Variants in AFAP1L2 observed in about 807,000 individuals in gnomAD.
AFAP1L2 encodes actin filament associated protein 1 like 2.
A neutral mutation model predicts 99.3 loss-of-function variants in AFAP1L2; 46 were observed. The ratio of observed to expected loss-of-function variants is 0.46; its 90% confidence interval spans 0.37 to 0.59. The LOEUF (loss-of-function observed/expected upper bound fraction) is 0.59, where lower values mean the gene tolerates loss of function less well. AFAP1L2 is among the 20% of genes least tolerant of loss of function. The probability of loss-of-function intolerance (pLI) is 0.00; values close to 1 mark genes in which losing one functional copy is unlikely to be tolerated. For missense variants in AFAP1L2, 959 were observed against 1,034.9 expected, an observed-to-expected ratio of 0.93 and a Z score of 1.01; for synonymous variants, 397 against 419.1, an observed-to-expected ratio of 0.95 and a Z score of 0.64.
rs777607777 is a variant in AFAP1L2, at chr10:114,300,481, C to T, written c.1752G>A (p.Glu584=). The change falls in exon 14 of 19, where the codon GAG becomes GAA. Residue 584 remains glutamate (E), a synonymous_variant. Coordinates refer to ENST00000304129, the MANE Select transcript of AFAP1L2 (RefSeq NM_001001936.3). ...ADSGPGPTPD[E]PCIKCPENLG... Reference sequence around the variant, plus strand: ...GGTTCTCTGGACACTTTATGCAGGGCTCATCTGGGGTGGGACCTGGGCCTG... The same window carrying T: ...GGTTCTCTGGACACTTTATGCAGGGTTCATCTGGGGTGGGACCTGGGCCTG... 2.5e-6 allele frequency: 4 copies of T among 1,613,966 alleles called. No individual in the cohort carries two copies.
intron 1 of AFAP1L2, among the ~76,000 whole-genome samples, chr10:114,348,058 T>C (rs1458013803): frequency 6.6e-6 from 1 of 152,176 alleles, no homozygotes; most frequent in Non-Finnish European, 1.5e-5. Flanking sequence ...CATATACATT[T>C]TGCATCTGGC....
At chr10:114,296,841 G>A (rs1337731855) in intron 18 of AFAP1L2, 137 bp downstream of exon 18, 16 of 1,449,082 alleles carry the variant, frequency 1.1e-5, no homozygotes, top group Admixed American at 9.1e-5. Context: ...CAAAGCCATG[G>A]CCACTCCTTG....
intron 1 of AFAP1L2, among the ~76,000 whole-genome samples, chr10:114,340,996 T>A (rs1590326300): frequency 6.6e-6 from 1 of 152,020 alleles, no homozygotes. Flanking sequence ...GCTGGAAGAG[T>A]GACAACGGCC....
chr10:114,315,872 C>G, intron 5 of AFAP1L2, 107 bp from the exon 6 acceptor site: 1 of 1,099,296 alleles, frequency 9.1e-7, no homozygotes, highest in Non-Finnish European at 1.3e-6. Context: ...CAGACCACAG[C>G]CCCCGACTCT....
At chr10:114,296,102 C>T (rs1213343195) in intron 18 of AFAP1L2, 34 bp from the exon 19 acceptor site, 1 of 1,613,616 alleles carries the variant, frequency 6.2e-7, no homozygotes, top group Non-Finnish European at 8.5e-7. Flanking sequence ...CACCCACCCC[C>T]CACCAAAAAG....
chr10:114,326,097 GTCA>G, intron 4 of AFAP1L2: 4 of 1,246,602 alleles, frequency 3.2e-6, no homozygotes, highest in Non-Finnish European at 4.2e-6. Flanking sequence ...CTCCCCATGG[GTCA>G]TCATCACCAC....
chr10:114,285,752 C>T, the AFAP1L2 span, among the ~76,000 whole-genome samples: 5 of 152,210 alleles, frequency 3.3e-5, no homozygotes, highest in Admixed American at 1.3e-4. Flanking sequence ...AGACCCTTAG[C>T]GAGTGCCAGG....
In AFAP1L2 at chr10:114,306,976, C is replaced by T. The variant is rs145928496; in HGVS notation, c.1072+829G>A. Among the ~76,000 whole-genome samples the T allele has an allele frequency of 1.8e-4, 27 of 151,776 alleles. No homozygotes were observed. In the East Asian group the frequency reaches 5.3e-3, roughly 30 times the overall value. On this transcript the variant is annotated intron_variant, in intron 10 of 18. Transcript: ENST00000304129. ...AGCCTCAAAACACAAGAAAACTCAACTGGGACTCAGGAAGGGAACCCAGAG... is the reference window on the plus strand; with the variant it reads ...AGCCTCAAAACACAAGAAAACTCAATTGGGACTCAGGAAGGGAACCCAGAG...
chr10:114,367,649 G>A (rs2053478809), intron 1 of AFAP1L2, among the ~76,000 whole-genome samples: 1 of 152,220 alleles, frequency 6.6e-6, no homozygotes, highest in Non-Finnish European at 1.5e-5. Context: ...TTAATTGCCA[G>A]TAAGACAGGA....
intron 18 of AFAP1L2, 117 bp downstream of exon 18, chr10:114,296,861 G>A (rs181870998): frequency 6.8e-5 from 106 of 1,552,006 alleles, no homozygotes; most frequent in Middle Eastern, 5.2e-4. Context: ...GGTGAGTGCC[G>A]AGCCCTTGCT....
At position 114,303,587 on chromosome 10, in the gene AFAP1L2, G is replaced by A. The variant is rs562906519; in HGVS notation, c.1285-1103C>T. Among the ~76,000 whole-genome samples the A allele has an allele frequency of 4.6e-5, 7 of 152,322 alleles. No individual in the cohort carries two copies. In the South Asian group the frequency reaches 1.0e-3, roughly 23 times the overall value. On this transcript the variant is annotated intron_variant, in intron 11 of 18. Coordinates refer to ENST00000304129, the MANE Select transcript of AFAP1L2 (RefSeq NM_001001936.3). ...CTCCCAAAGTGCTGGGGTTACAGGC[G>A]TGGGCCATCATGCCCGGCCCCCACT...
At chr10:114,389,233 T>C (rs1331135058) in intron 1 of AFAP1L2, among the ~76,000 whole-genome samples, 1 of 152,132 alleles carries the variant, frequency 6.6e-6, no homozygotes, top group East Asian at 1.9e-4. Context: ...CTGGTCCACA[T>C]GGACCTCTGA....
chr10:114,398,707 G>A lies in AFAP1L2; in HGVS notation c.16+5733C>T, dbSNP rs916727787. ...GGCAAAAGCCAGATTAGAATCCCGAGCCCCTGAGTGCCCAGGCCGGTGCCC... is the reference window on the plus strand; with the variant it reads ...GGCAAAAGCCAGATTAGAATCCCGAACCCCTGAGTGCCCAGGCCGGTGCCC... On this transcript the variant is annotated intron_variant, in intron 1 of 18. Transcript: ENST00000304129. 1.0e-5 allele frequency: 6 copies of A among 600,272 alleles called. No homozygotes were observed. The Admixed American group carries it at 1.8e-4, about 18-fold the overall frequency. The allele number at this position is 600,272 out of a possible 1,614,324, so 37.2% of individuals were successfully genotyped here. A position where few individuals can be genotyped will look rare whatever the true frequency, so the allele number is the denominator to read the frequency against.
chr10:114,283,561 G>A, the AFAP1L2 span, among the ~76,000 whole-genome samples: 1 of 152,316 alleles, frequency 6.6e-6, no homozygotes, highest in African/African-American at 2.4e-5. Context: ...TTGGAAACTA[G>A]AGTGAAATGG....
At position 114,391,338 on chromosome 10, in the gene AFAP1L2, G is replaced by A. The variant is rs1216091685; in HGVS notation, c.16+13102C>T. 2.6e-5 allele frequency among the ~76,000 whole-genome samples: 4 copies of A among 151,894 alleles called. No homozygotes were observed. The South Asian group carries it at 6.2e-4, about 24-fold the overall frequency. ...GGATTCAAGCGATTCTCCTGCCTCC[G>A]CCTCCCAAGTAGCTGGGATTACAGG... On this transcript the variant is annotated intron_variant, in intron 1 of 18. Coordinates refer to ENST00000304129, the MANE Select transcript of AFAP1L2 (RefSeq NM_001001936.3).
At position 114,320,992 on chromosome 10, in the gene AFAP1L2, A is replaced by T. The variant is rs118120408; in HGVS notation, c.406+2179T>A. 6.6e-5 allele frequency among the ~76,000 whole-genome samples: 10 copies of T among 152,276 alleles called. No individual in the cohort carries two copies. The South Asian group carries it at 1.9e-3, about 28-fold the overall frequency. ...GCTGCCCACAAAGCCAGCGTCTTAGAATAGACTCAGCCTAAACAGGCGCTC... is the reference window on the plus strand; with the variant it reads ...GCTGCCCACAAAGCCAGCGTCTTAGTATAGACTCAGCCTAAACAGGCGCTC... On this transcript the variant is annotated intron_variant, in intron 5 of 18. Coordinates refer to ENST00000304129, the MANE Select transcript of AFAP1L2 (RefSeq NM_001001936.3).
At chr10:114,372,602 T>C (rs2054261092) in intron 1 of AFAP1L2, among the ~76,000 whole-genome samples, 1 of 151,784 alleles carries the variant, frequency 6.6e-6, no homozygotes, top group Non-Finnish European at 1.5e-5. Context: ...ATGGAGTGTA[T>C]GCATATGATG....
chr10:114,347,658 G>A (rs1342789855), intron 1 of AFAP1L2, among the ~76,000 whole-genome samples: 1 of 152,016 alleles, frequency 6.6e-6, no homozygotes, highest in Non-Finnish European at 1.5e-5. Context: ...CTATAGGCAT[G>A]TACCACCACG....
At chr10:114,283,240 G>A in the AFAP1L2 span, among the ~76,000 whole-genome samples, 88 of 152,132 alleles carry the variant, frequency 5.8e-4, no homozygotes, top group African/African-American at 2.0e-3. Flanking sequence ...AAGCAATGCC[G>A]GCAGTTAGAC....
Sources: gnomAD v4.1 joint callset for allele counts (sites outside exome capture counted in the v4.1 genomes callset) on GRCh38, gnomAD v4.1.1 for gene constraint, MANE v1.5 for transcripts, NCBI Gene and HGNC (gene_info 2026-07-23, HGNC 2026-07-21) for gene names.